Variants in UNC5D observed in about 807,000 individuals in gnomAD.
The protein encoded by UNC5D is unc-5 netrin receptor D.
In UNC5D, 39 loss-of-function variants were observed where a neutral mutation model predicts 105.4. That is an observed-to-expected ratio of 0.37 (90% CI 0.29 to 0.48). UNC5D has a LOEUF of 0.48. Among genes scored for constraint, UNC5D ranks in the 20% least tolerant of loss-of-function variants. The pLI is 0.98. For synonymous variants in UNC5D, 452 were observed against 450.4 expected, an observed-to-expected ratio of 1.00 and a Z score of -0.04; for missense variants, 991 against 1,202.4, an observed-to-expected ratio of 0.82 and a Z score of 2.60.
At chr8:35,313,642 C>T (rs1427443733) in intron 1 of UNC5D, among the ~76,000 whole-genome samples, 1 of 152,054 alleles carries the variant, frequency 6.6e-6, no homozygotes, top group Non-Finnish European at 1.5e-5. Flanking sequence ...TTTTGTTGCT[C>T]CTGAGTAGTT....
chr8:35,301,542 T>C (rs1487817781), intron 1 of UNC5D, among the ~76,000 whole-genome samples: 9 of 152,190 alleles, frequency 5.9e-5, no homozygotes, highest in Non-Finnish European at 1.3e-4. Context: ...TAGTTACAGC[T>C]AGGCGTTTGC....
intron 1 of UNC5D, among the ~76,000 whole-genome samples, chr8:35,315,178 T>C (rs1316468891): frequency 1.3e-5 from 2 of 152,194 alleles, no homozygotes; most frequent in Non-Finnish European, 2.9e-5. Flanking sequence ...TTTACATATA[T>C]TAACTCATTC....
At chr8:35,427,109 A>C (rs1356002391) in intron 1 of UNC5D, among the ~76,000 whole-genome samples, 1 of 152,216 alleles carries the variant, frequency 6.6e-6, no homozygotes, top group South Asian at 2.1e-4. Flanking sequence ...GAGAATATTC[A>C]GCTCCAGCTC....
intron 8 of UNC5D, among the ~76,000 whole-genome samples, chr8:35,714,870 G>A (rs574734964): frequency 1.4e-4 from 22 of 152,296 alleles, no homozygotes; most frequent in Middle Eastern, 6.8e-3. Flanking sequence ...GAATGAAGCC[G>A]GCCAGGCGCA....
chr8:35,759,544 T>A (rs1801426086), intron 14 of UNC5D, 75 bp downstream of exon 14: 1 of 1,524,274 alleles, frequency 6.6e-7, no homozygotes, highest in Non-Finnish European at 8.8e-7. Flanking sequence ...CTGGCAAGGG[T>A]CTGCTTGATT....
At chr8:35,538,504 A>G (rs547536939) in intron 1 of UNC5D, among the ~76,000 whole-genome samples, 1 of 149,158 alleles carries the variant, frequency 6.7e-6, no homozygotes, top group Non-Finnish European at 1.5e-5. Flanking sequence ...ACAGAATGAC[A>G]TGTTTGAATT....
intron 12 of UNC5D, among the ~76,000 whole-genome samples, chr8:35,750,112 C>T (rs1476076848): frequency 6.6e-6 from 1 of 152,062 alleles, no homozygotes; most frequent in Non-Finnish European, 1.5e-5. Context: ...AGTAGAAATT[C>T]CAACACACTG....
In UNC5D at chr8:35,240,592, G is replaced by A. The variant is rs919862574; in HGVS notation, c.103+4705G>A. Reference sequence around the variant, plus strand: ...GGTAAGATAGGAAAAGAGGGACACAGGATTGAAAGCTTGCCCAAGGCCATG... The same window carrying A: ...GGTAAGATAGGAAAAGAGGGACACAAGATTGAAAGCTTGCCCAAGGCCATG... On this transcript the variant is annotated intron_variant, in intron 1 of 16. Transcript: ENST00000404895. Among the ~76,000 whole-genome samples, 15 of 152,244 alleles carry A rather than the reference G, an allele frequency of 9.9e-5. 1 individual carries two copies. The highest frequency in any genetic ancestry group is 3.1e-4 in the African/African-American group (13 of 41,548).
At chr8:35,409,731 A>G (rs1248703720) in intron 1 of UNC5D, among the ~76,000 whole-genome samples, 2 of 151,936 alleles carry the variant, frequency 1.3e-5, no homozygotes, top group African/African-American at 2.4e-5. Context: ...TTGCAGAGCA[A>G]AAGTTCTTAA....
At chr8:35,311,010 A>G (rs1021495420) in intron 1 of UNC5D, among the ~76,000 whole-genome samples, 3 of 152,190 alleles carry the variant, frequency 2.0e-5, no homozygotes, top group Non-Finnish European at 2.9e-5. Context: ...ATAATTGCAT[A>G]AATCACAAAG....
chr8:35,454,730 C>T (rs1034608420), intron 1 of UNC5D, among the ~76,000 whole-genome samples: 3 of 152,074 alleles, frequency 2.0e-5, no homozygotes, highest in African/African-American at 7.2e-5. Flanking sequence ...GCCCCCGTAC[C>T]CATAAAAATT....
intron 8 of UNC5D, among the ~76,000 whole-genome samples, chr8:35,708,169 A>G (rs962869256): frequency 6.6e-6 from 1 of 152,220 alleles, no homozygotes; most frequent in African/African-American, 2.4e-5. Context: ...GCAGATAGAA[A>G]ACATCACTCA....
intron 4 of UNC5D, among the ~76,000 whole-genome samples, chr8:35,611,152 T>TA (rs1820655051): frequency 2.6e-5 from 4 of 152,180 alleles, no homozygotes. Context: ...CAAAAAGATG[T>TA]AAAGCCTCAT....
At chr8:35,473,801 C>T (rs2589333) in intron 1 of UNC5D, among the ~76,000 whole-genome samples, 81,673 of 151,242 alleles carry the variant, frequency 0.54, 25,954 homozygotes, top group Non-Finnish European at 0.7. Context: ...CTTTGTGTTG[C>T]TATAACAGAA....
intron 1 of UNC5D, among the ~76,000 whole-genome samples, chr8:35,513,413 G>C (rs1018695452): frequency 6.6e-6 from 1 of 151,764 alleles, no homozygotes; most frequent in East Asian, 2.0e-4. Context: ...GCATTTAGTA[G>C]AGGCAGGGTT....
chr8:35,777,816 G>T (rs1802324244), intron 16 of UNC5D, among the ~76,000 whole-genome samples: 1 of 152,136 alleles, frequency 6.6e-6, no homozygotes, highest in Admixed American at 6.5e-5. Context: ...AACTTCCATA[G>T]GATGTTATTG....
chr8:35,756,621 A>G (rs1250442969), intron 13 of UNC5D, among the ~76,000 whole-genome samples: 3 of 152,152 alleles, frequency 2.0e-5, no homozygotes, highest in Non-Finnish European at 4.4e-5. Flanking sequence ...ATCTAAGAGA[A>G]AAAACACTGG....
intron 4 of UNC5D, among the ~76,000 whole-genome samples, chr8:35,633,031 A>G (rs180953886): frequency 3.3e-5 from 5 of 152,260 alleles, no homozygotes; most frequent in Non-Finnish European, 7.4e-5. Flanking sequence ...TTGCACTCCA[A>G]TAGTCTATGT....
At chr8:35,401,163 T>TA (rs1183917204) in intron 1 of UNC5D, among the ~76,000 whole-genome samples, 5 of 151,972 alleles carry the variant, frequency 3.3e-5, no homozygotes, top group Non-Finnish European at 5.9e-5. Context: ...GATACTGCTA[T>TA]AAAAAACAAG....
Sources: allele counts gnomAD v4.1 joint callset (sites outside exome capture counted in the v4.1 genomes callset), GRCh38; gene constraint gnomAD v4.1.1; transcripts MANE v1.5; gene names NCBI Gene and HGNC (gene_info 2026-07-23, HGNC 2026-07-21).